SCML4: variants seen among roughly 807,000 people sequenced by gnomAD.
SCML4 encodes the protein Scm polycomb group protein like 4.
SCML4 carries 34 observed loss-of-function variants against 41.1 expected under a neutral mutation model. The ratio of observed to expected loss-of-function variants is 0.83; its 90% CI spans 0.63 to 1.10. The LOEUF is 1.10. Ranked by LOEUF, SCML4 falls within the 50% of genes least tolerant of loss-of-function variation. SCML4 has a pLI of 0.00. For synonymous variants in SCML4, 214 were observed against 220.9 expected (o/e 0.97, Z 0.28); for missense variants, 522 against 534.1 (o/e 0.98, Z 0.22).
intron 5 of SCML4, among the ~76,000 whole-genome samples, chr6:107,723,522 C>T (rs1415514252): frequency 6.6e-6 from 1 of 152,110 alleles, no homozygotes; most frequent in Non-Finnish European, 1.5e-5. Context: ...AAGTAGGGAA[C>T]CATCTGTTCT....
chr6:107,714,973 C>CTT lies in SCML4; in HGVS notation c.973+5728_973+5729dup, dbSNP rs1300660187. On this transcript the variant is annotated intron_variant, in intron 6 of 7. Coordinates refer to ENST00000369020, the MANE Select transcript of SCML4 (RefSeq NM_198081.5). Reference sequence around the variant, plus strand: ...TTTCCCTGGTGTCCCTGCACAAACCCTTTATTTTTTTTTTTTTTTGAGATG... The same window carrying CTT: ...TTTCCCTGGTGTCCCTGCACAAACCCTTTTTATTTTTTTTTTTTTTTGAGATG... Among the ~76,000 whole-genome samples the CTT allele has an allele frequency of 3.5e-3, 311 of 90,014 alleles. 8 individuals carry two copies. The highest frequency in any genetic ancestry group is 9.6e-3 in the African/African-American group (274 of 28,428). The allele number at this position is 90,014 out of a possible 152,430, so 59.1% of individuals were successfully genotyped here. A position where few individuals can be genotyped will look rare whatever the true frequency, so the allele number is the denominator to read the frequency against.
intron 4 of SCML4, chr6:107,746,422 A>T: frequency 2.3e-6 from 1 of 431,266 alleles, no homozygotes. Flanking sequence ...AAAAAAAAGC[A>T]AAAACCGGTG....
chr6:107,818,243 A>G (rs1207396187), intron 1 of SCML4, among the ~76,000 whole-genome samples: 1 of 152,228 alleles, frequency 6.6e-6, no homozygotes, highest in Non-Finnish European at 1.5e-5. Flanking sequence ...TAAAAGGGGC[A>G]GTGCGCAGAT....
At chr6:107,775,395 C>G (rs576285170) in intron 1 of SCML4, among the ~76,000 whole-genome samples, 71 of 152,354 alleles carry the variant, frequency 4.7e-4, no homozygotes, top group African/African-American at 1.7e-3. Flanking sequence ...GGAGCTTGAA[C>G]AAGGGAAGCC....
At chr6:107,783,863 A>G (rs1781682810) in intron 1 of SCML4, among the ~76,000 whole-genome samples, 1 of 152,128 alleles carries the variant, frequency 6.6e-6, no homozygotes, top group Admixed American at 6.5e-5. Flanking sequence ...CTAGGTCCCT[A>G]CTAGAAACTG....
At chr6:107,801,833 C>T (rs922162982) in intron 1 of SCML4, among the ~76,000 whole-genome samples, 2 of 151,808 alleles carry the variant, frequency 1.3e-5, no homozygotes, top group African/African-American at 2.4e-5. Flanking sequence ...CGCTGGATCT[C>T]GGCTCACCAC....
At chr6:107,719,964 T>C (rs1338222476) in intron 6 of SCML4, 1 of 985,360 alleles carries the variant, frequency 1.0e-6, no homozygotes, top group Admixed American at 6.1e-5. Context: ...TATAATCCTT[T>C]AGCCCTTATA....
chr6:107,797,824 T>G (rs1227735808), intron 1 of SCML4, among the ~76,000 whole-genome samples: 1 of 151,996 alleles, frequency 6.6e-6, no homozygotes, highest in Non-Finnish European at 1.5e-5. Context: ...AGAGGTTTTT[T>G]TAATCGTGAA....
At chr6:107,724,059 T>A (rs1775708102) in intron 5 of SCML4, among the ~76,000 whole-genome samples, 1 of 152,086 alleles carries the variant, frequency 6.6e-6, no homozygotes, top group African/African-American at 2.4e-5. Flanking sequence ...AAAACAGAGA[T>A]CACACAATCA....
At position 107,740,188 on chromosome 6, in the gene SCML4, A is replaced by C. The variant is rs988487040; in HGVS notation, c.682+4761T>G. On this transcript the variant is annotated intron_variant, in intron 5 of 7. Transcript: ENST00000369020. ...TAAGATGTTAAAAGGAAACCATTTT[A>C]GGCTCAGTTTTAGCTGAGCTGCAAG... The C allele has an allele frequency of 2.3e-5, 11 of 470,586 alleles. 1 individual carries two copies. The Admixed American group carries it at 2.6e-4, about 11-fold the overall frequency. 29.2% of individuals were successfully genotyped at this position (470,586 alleles called of 1,614,324 possible).
intron 1 of SCML4, among the ~76,000 whole-genome samples, chr6:107,778,954 G>T (rs986410642): frequency 6.6e-6 from 1 of 152,166 alleles, no homozygotes; most frequent in African/African-American, 2.4e-5. Context: ...GCCGAGGCGG[G>T]CGGATCACGA....
chr6:107,764,990 T>C (rs1373071647), intron 2 of SCML4, among the ~76,000 whole-genome samples: 1 of 152,210 alleles, frequency 6.6e-6, no homozygotes, highest in Non-Finnish European at 1.5e-5. Context: ...TTAAACCTCT[T>C]TTTCTTTATA....
chr6:107,803,124 C>CCT (rs1450525336), intron 1 of SCML4, among the ~76,000 whole-genome samples: 21 of 150,518 alleles, frequency 1.4e-4, no homozygotes, highest in East Asian at 1.2e-3. Context: ...CCTGCCTTGG[C>CCT]CCAGCAAAGT....
intron 1 of SCML4, among the ~76,000 whole-genome samples, chr6:107,819,628 T>C (rs190523927): frequency 7.7e-4 from 111 of 144,684 alleles, no homozygotes; most frequent in African/African-American, 2.6e-3. Context: ...AAATCAGCAA[T>C]GGTGGGTTGC....
the SCML4 span, among the ~76,000 whole-genome samples, chr6:107,838,490 G>A: frequency 1.3e-5 from 2 of 152,202 alleles, no homozygotes; most frequent in Non-Finnish European, 2.9e-5. Context: ...GTCCCCGAAG[G>A]CTTGATTCAG....
chr6:107,785,150 T>G (rs765028604), intron 1 of SCML4, among the ~76,000 whole-genome samples: 1 of 152,204 alleles, frequency 6.6e-6, no homozygotes, highest in Non-Finnish European at 1.5e-5. Flanking sequence ...CTAATTTTCT[T>G]ATTTGTATCT....
At chr6:107,839,375 AAGAAAG>A in the SCML4 span, among the ~76,000 whole-genome samples, 1 of 148,484 alleles carries the variant, frequency 6.7e-6, no homozygotes, top group Non-Finnish European at 1.5e-5. Context: ...GAAGGAAAGA[AAGAAAG>A]AAAGAAAGAA....
At chr6:107,784,294 C>A (rs563520678) in intron 1 of SCML4, among the ~76,000 whole-genome samples, 1 of 152,228 alleles carries the variant, frequency 6.6e-6, no homozygotes, top group South Asian at 2.1e-4. Flanking sequence ...ACCCGTAAGT[C>A]AAGAGAAGGG....
upstream of SCML4, among the ~76,000 whole-genome samples, chr6:107,824,999 A>ATGTG (rs923390450): frequency 6.6e-6 from 1 of 151,146 alleles, no homozygotes; most frequent in Non-Finnish European, 1.5e-5. Flanking sequence ...CCAGGCCTGT[A>ATGTG]TGTGTGTGTG....
Sources: gnomAD v4.1 joint callset for allele counts (sites outside exome capture counted in the v4.1 genomes callset) on GRCh38, gnomAD v4.1.1 for gene constraint, MANE v1.5 for transcripts, NCBI Gene and HGNC (gene_info 2026-07-23, HGNC 2026-07-21) for gene names.